RNF111: variants seen among roughly 807,000 people sequenced by gnomAD.
The protein encoded by RNF111 is E3 ubiquitin-protein ligase Arkadia.
In RNF111, 17 loss-of-function variants were observed where a neutral mutation model predicts 95.1. The observed-to-expected ratio is 0.18, with a 90% CI of 0.12 to 0.27. The LOEUF (loss-of-function observed/expected upper bound fraction) is 0.27. RNF111 is among the 10% of genes least tolerant of loss of function. The pLI is 1.00. For synonymous variants in RNF111, 440 were observed against 414.8 expected, an observed-to-expected ratio of 1.06 and a Z score of -0.74; for missense variants, 1,189 against 1,210.4, an observed-to-expected ratio of 0.98 and a Z score of 0.26.
At chr15:59,008,972 T>G (rs2039668010) in intron 1 of RNF111, among the ~76,000 whole-genome samples, 1 of 151,734 alleles carries the variant, frequency 6.6e-6, no homozygotes, top group Non-Finnish European at 1.5e-5. Context: ...TTTATTTTAT[T>G]TTTTTGAGAC....
At chr15:59,032,048 C>T (rs894073489) in intron 2 of RNF111, among the ~76,000 whole-genome samples, 8 of 152,052 alleles carry the variant, frequency 5.3e-5, no homozygotes, top group African/African-American at 1.9e-4. Flanking sequence ...AAGCAATTCT[C>T]CTGCGTCAGC....
intron 2 of RNF111, among the ~76,000 whole-genome samples, chr15:59,040,702 A>G (rs1408500033): frequency 6.6e-6 from 1 of 152,222 alleles, no homozygotes; most frequent in African/African-American, 2.4e-5. Context: ...TGGCAAAACC[A>G]CCATTGCTTT....
chr15:59,011,916 A>G (rs546287376), intron 1 of RNF111, among the ~76,000 whole-genome samples: 3 of 151,944 alleles, frequency 2.0e-5, no homozygotes, highest in Non-Finnish European at 4.4e-5. Context: ...TCACTACCAA[A>G]CTAGGATTGT....
chr15:58,996,323 A>C (rs2039069347), intron 1 of RNF111, among the ~76,000 whole-genome samples: 1 of 152,186 alleles, frequency 6.6e-6, no homozygotes, highest in South Asian at 2.1e-4. Flanking sequence ...CTATAATCCC[A>C]GCACTTCGGG....
At chr15:59,030,753 G>C (rs893056843) in intron 1 of RNF111, 51 bp from the exon 2 acceptor site, 2 of 1,281,782 alleles carry the variant, frequency 1.6e-6, no homozygotes, top group Non-Finnish European at 1.1e-6. Flanking sequence ...CAATTAAATA[G>C]TATAATAAAA....
intron 5 of RNF111, among the ~76,000 whole-genome samples, chr15:59,060,753 T>G (rs1298785217): frequency 6.6e-6 from 1 of 152,094 alleles, no homozygotes; most frequent in Non-Finnish European, 1.5e-5. Context: ...GACTTCTCAT[T>G]GACTCCTGTC....
intron 1 of RNF111, among the ~76,000 whole-genome samples, chr15:59,006,722 T>A (rs1484709097): frequency 6.6e-6 from 1 of 152,218 alleles, no homozygotes; most frequent in Non-Finnish European, 1.5e-5. Context: ...CAGACGCCAG[T>A]GCATTTTACC....
chr15:59,026,756 G>A (rs188457456), intron 1 of RNF111, among the ~76,000 whole-genome samples: 72 of 152,068 alleles, frequency 4.7e-4, no homozygotes, highest in Non-Finnish European at 9.3e-4. Context: ...ACAATACAGC[G>A]ATGGATTTTA....
At chr15:59,094,214 A>C (rs1001094279) in intron 13 of RNF111, among the ~76,000 whole-genome samples, 2 of 152,166 alleles carry the variant, frequency 1.3e-5, no homozygotes, top group Non-Finnish European at 2.9e-5. Flanking sequence ...AAAAAGTATT[A>C]CTCACCTTTA....
chr15:59,033,877 T>C (rs2041037357), intron 2 of RNF111, among the ~76,000 whole-genome samples: 1 of 152,218 alleles, frequency 6.6e-6, no homozygotes, highest in South Asian at 2.1e-4. Context: ...TCCAAAATGT[T>C]GAAACCAAGT....
chr15:59,066,673 T>G, intron 5 of RNF111, 91 bp from the exon 6 acceptor site: 1 of 1,015,822 alleles, frequency 9.8e-7, no homozygotes, highest in Non-Finnish European at 1.4e-6. Context: ...GAACATTTCT[T>G]TAAACATTTA....
intron 10 of RNF111, among the ~76,000 whole-genome samples, chr15:59,088,020 G>A (rs943311890): frequency 6.6e-6 from 1 of 152,140 alleles, no homozygotes; most frequent in Non-Finnish European, 1.5e-5. Context: ...TTATAAGCTT[G>A]GCTGTGAAGG....
At chr15:59,054,420 T>C (rs1365851552) in intron 3 of RNF111, among the ~76,000 whole-genome samples, 1 of 152,142 alleles carries the variant, frequency 6.6e-6, no homozygotes, top group Non-Finnish European at 1.5e-5. Context: ...AAAGTGGACC[T>C]ATAACTTCCT....
At chr15:59,046,594 C>G (rs141972852) in intron 2 of RNF111, among the ~76,000 whole-genome samples, 1 of 152,082 alleles carries the variant, frequency 6.6e-6, no homozygotes, top group African/African-American at 2.4e-5. Context: ...GATCATAGAC[C>G]TAAATGTAAG....
At position 59,030,801 on chromosome 15, in the gene RNF111, T is replaced by C. The variant is rs200285514; in HGVS notation, c.-19-3T>C. The C allele has an allele frequency of 1.1e-4, 171 of 1,544,558 alleles. 2 individuals carry two copies. In the Admixed American group the frequency reaches 1.6e-3, roughly 15 times the overall value. ...CTTTTAAATATCTAATTTTGTCTTC[T>C]AGGCTTTCCTTAAAGTTTCCCATGT... On this transcript the variant is annotated splice_polypyrimidine_tract_variant and splice_region_variant and intron_variant, in intron 1 of 13. Transcript: ENST00000348370.
At chr15:59,065,376 G>A (rs2042611477) in intron 5 of RNF111, among the ~76,000 whole-genome samples, 1 of 152,190 alleles carries the variant, frequency 6.6e-6, no homozygotes. Context: ...TTCTGCCATA[G>A]AAGAACATAC....
chr15:59,061,664 C>A (rs16940987), intron 5 of RNF111, among the ~76,000 whole-genome samples: 26,113 of 152,160 alleles, frequency 0.17, 2,327 homozygotes, highest in Admixed American at 0.27. Flanking sequence ...CTTCCAGTTC[C>A]TTTATCTGTG....
chr15:59,072,251 G>C (rs1317258221), intron 6 of RNF111, among the ~76,000 whole-genome samples: 1 of 152,038 alleles, frequency 6.6e-6, no homozygotes, highest in Non-Finnish European at 1.5e-5. Context: ...AATGAAGTTT[G>C]CTGCATTGAT....
chr15:59,039,940 C>T (rs2041367770), intron 2 of RNF111, among the ~76,000 whole-genome samples: 1 of 152,084 alleles, frequency 6.6e-6, no homozygotes, highest in Non-Finnish European at 1.5e-5. Context: ...TGGTCTCGAT[C>T]TCCTGACCTC....
Sources: allele counts gnomAD v4.1 joint callset (sites outside exome capture counted in the v4.1 genomes callset), GRCh38; gene constraint gnomAD v4.1.1; transcripts MANE v1.5; gene names NCBI Gene and HGNC (gene_info 2026-07-23, HGNC 2026-07-21).